KAZN: variants seen among roughly 807,000 people sequenced by gnomAD.
The protein encoded by KAZN is kazrin.
Under a neutral mutation model 87.4 loss-of-function variants are expected in KAZN, and 40 were observed. The ratio of observed to expected loss-of-function variants is 0.46; its 90% CI spans 0.36 to 0.60. The LOEUF (loss-of-function observed/expected upper bound fraction) is 0.60. Among genes scored for constraint, KAZN ranks in the 20% least tolerant of loss-of-function variants. The pLI is 0.00. For missense variants in KAZN, 898 were observed against 1,073.9 expected, an observed-to-expected ratio of 0.84 and a Z score of 2.29; for synonymous variants, 466 against 458.3, an observed-to-expected ratio of 1.02 and a Z score of -0.22.
intron 2 of KAZN, among the ~76,000 whole-genome samples, chr1:14,522,974 C>T (rs2148467060): frequency 6.6e-6 from 1 of 152,302 alleles, no homozygotes; most frequent in South Asian, 2.1e-4. Flanking sequence ...GCTGGGAGGG[C>T]TCCCTGTCCG....
chr1:14,287,312 T>G (rs971040372), intron 2 of KAZN, among the ~76,000 whole-genome samples: 2 of 152,182 alleles, frequency 1.3e-5, no homozygotes, highest in Non-Finnish European at 2.9e-5. Flanking sequence ...CCCTTGCACC[T>G]AGAGGTAATC....
chr1:14,193,758 G>A (rs1646471235), intron 2 of KAZN, among the ~76,000 whole-genome samples: 1 of 151,488 alleles, frequency 6.6e-6, no homozygotes, highest in African/African-American at 2.4e-5. Context: ...GCACTTTGAG[G>A]CCAACCTGTG....
intron 1 of KAZN, among the ~76,000 whole-genome samples, chr1:14,618,583 C>T (rs769108127): frequency 1.3e-5 from 2 of 152,200 alleles, no homozygotes; most frequent in African/African-American, 2.4e-5. Context: ...GTTTAATCCT[C>T]ACATTGTTTT....
intron 1 of KAZN, among the ~76,000 whole-genome samples, chr1:14,054,347 C>T (rs1642462868): frequency 6.6e-6 from 1 of 152,208 alleles, no homozygotes; most frequent in South Asian, 2.1e-4. Flanking sequence ...GGGCCCCTGG[C>T]ATGTGCCTAT....
chr1:15,009,970 CT>C (rs938770983), intron 2 of KAZN, among the ~76,000 whole-genome samples: 49 of 152,256 alleles, frequency 3.2e-4, no homozygotes, highest in African/African-American at 1.1e-3. Flanking sequence ...TATCATCTCA[CT>C]TGAAAAAATG....
At chr1:13,999,396 C>T (rs1036774759) in intron 1 of KAZN, among the ~76,000 whole-genome samples, 1 of 151,622 alleles carries the variant, frequency 6.6e-6, no homozygotes, top group East Asian at 1.9e-4. Flanking sequence ...CAAAAAAAAC[C>T]ACAACTCACT....
At position 14,773,670 on chromosome 1, in the gene KAZN, G is replaced by A. The variant is rs765970848; in HGVS notation, c.226+174447G>A. Reference sequence around the variant, plus strand: ...CTTCTAAAACACTGCAACCACCATAGCCAGTGCCTCTATGCAGCCGGTTAC... The same window carrying A: ...CTTCTAAAACACTGCAACCACCATAACCAGTGCCTCTATGCAGCCGGTTAC... On this transcript the variant is annotated intron_variant, in intron 1 of 14. Transcript: ENST00000376030. The surrounding 1 kb of genome is among the most constrained non-coding windows in gnomAD (Gnocchi z 5.9). 2.6e-5 allele frequency among the ~76,000 whole-genome samples: 4 copies of A among 152,142 alleles called. No individual in the cohort carries two copies. Among genetic ancestry groups the A allele is most frequent in the Non-Finnish European group, 5.9e-5 (4 of 68,022 alleles).
chr1:14,356,829 C>T lies in KAZN; in HGVS notation c.249+176237C>T, dbSNP rs192191661. Among the ~76,000 whole-genome samples the T allele has an allele frequency of 4.2e-3, 634 of 152,150 alleles. 2 individuals are homozygous for T. The highest frequency in any genetic ancestry group is 0.014 in the African/African-American group (596 of 41,492). On this transcript the variant is annotated intron_variant, in intron 2 of 16. Transcript: ENST00000636203. The stretch of plus-strand genomic sequence containing the variant: ...TACCATGCTGTTTTGGTTACTGTAG[C>T]CTTGTAGTATAGTTTGAAGTCAGGT...
At chr1:14,998,168 G>C (rs1448751766) in intron 2 of KAZN, among the ~76,000 whole-genome samples, 1 of 152,094 alleles carries the variant, frequency 6.6e-6, no homozygotes, top group East Asian at 1.9e-4. Context: ...GGGGCAGCGC[G>C]GGGGGTGCTC....
intron 1 of KAZN, among the ~76,000 whole-genome samples, chr1:14,811,726 T>C (rs1321290691): frequency 6.6e-6 from 1 of 152,204 alleles, no homozygotes; most frequent in African/African-American, 2.4e-5. Context: ...GGCATGGTAG[T>C]TGAATTGGCA....
chr1:14,584,328 G>T (rs1236381102), intron 2 of KAZN, among the ~76,000 whole-genome samples: 2 of 152,240 alleles, frequency 1.3e-5, no homozygotes, highest in Non-Finnish European at 2.9e-5. Flanking sequence ...AATGAGGTAA[G>T]CCCGGAGTTG....
At chr1:14,805,488 G>C (rs114258501) in intron 1 of KAZN, among the ~76,000 whole-genome samples, 1 of 152,184 alleles carries the variant, frequency 6.6e-6, no homozygotes, top group Non-Finnish European at 1.5e-5. Context: ...GCCGGGTGCG[G>C]TGTCTCACAC....
intron 8 of KAZN, among the ~76,000 whole-genome samples, chr1:15,078,859 T>C (rs1639874079): frequency 6.6e-6 from 1 of 151,914 alleles, no homozygotes; most frequent in African/African-American, 2.4e-5. Context: ...TTGCAAGAAT[T>C]CCCCCCACCA....
chr1:14,875,492 AAAAAAG>A (rs1572704810), intron 1 of KAZN, among the ~76,000 whole-genome samples: 1 of 150,892 alleles, frequency 6.6e-6, no homozygotes, highest in Non-Finnish European at 1.5e-5. Flanking sequence ...TAAAAAAAAA[AAAAAAG>A]AAAAAAGAAA....
rs1553175647 is a variant in KAZN, at chr1:13,935,252, G to GTAGTAGTAATAATAATAATAA, written c.91+41498_91+41499insGTAGTAATAATAATAATAATA. ...AACTCCGTATCAAATAGTAGTAGTA[G>GTAGTAGTAATAATAATAATAA]TAATAATAATAATAATAAGCCTTCA... On this transcript the variant is annotated intron_variant, in intron 1 of 16. Coordinates refer to the KAZN transcript ENST00000636203. 3.4e-3 allele frequency among the ~76,000 whole-genome samples: 505 copies of GTAGTAGTAATAATAATAATAA among 147,078 alleles called. 8 individuals are homozygous for GTAGTAGTAATAATAATAATAA. In the East Asian group the frequency reaches 0.042, roughly 12 times the overall value.
At chr1:14,662,335 AGGCCAGGGTG>A (rs1639233833) in intron 1 of KAZN, among the ~76,000 whole-genome samples, 1 of 152,166 alleles carries the variant, frequency 6.6e-6, no homozygotes, top group African/African-American at 2.4e-5. Context: ...CTGACACCAT[AGGCCAGGGTG>A]GTTTACTTGA....
At chr1:14,523,959 C>A (rs888058021) in intron 2 of KAZN, among the ~76,000 whole-genome samples, 1 of 152,060 alleles carries the variant, frequency 6.6e-6, no homozygotes. Flanking sequence ...GTTTTGAAAG[C>A]GTATATCCAC....
chr1:14,580,270 G>A (rs1318842538), intron 2 of KAZN, among the ~76,000 whole-genome samples: 2 of 152,164 alleles, frequency 1.3e-5, no homozygotes, highest in Non-Finnish European at 2.9e-5. Flanking sequence ...GAGGTTGGGA[G>A]TTCGAGACCA....
intron 2 of KAZN, among the ~76,000 whole-genome samples, chr1:14,421,164 T>TA (rs1350091532): frequency 1.3e-5 from 2 of 152,266 alleles, no homozygotes; most frequent in African/African-American, 4.8e-5. Flanking sequence ...AAATAGTGTG[T>TA]AATCAATTTG....
Sources: allele counts gnomAD v4.1 joint callset (sites outside exome capture counted in the v4.1 genomes callset), GRCh38; gene constraint gnomAD v4.1.1; non-coding constraint Gnocchi (gnomAD v3.1); transcripts MANE v1.5; gene names NCBI Gene and HGNC (gene_info 2026-07-23, HGNC 2026-07-21).